RASAL2: variants seen among roughly 807,000 people sequenced by gnomAD.
RASAL2 encodes the protein RAS protein activator like 2, also known as ras GTPase-activating protein nGAP.
In RASAL2, 58 loss-of-function variants were observed where a neutral mutation model predicts 128.9. The ratio of observed to expected loss-of-function variants is 0.45; its 90% CI spans 0.36 to 0.56. RASAL2 has a LOEUF of 0.56. Ranked by LOEUF, RASAL2 falls within the 20% of genes least tolerant of loss-of-function variation. The probability of loss-of-function intolerance (pLI) is 0.00; values close to 1 mark genes in which losing one functional copy is unlikely to be tolerated. For synonymous variants in RASAL2, 561 were observed against 580.8 expected (o/e 0.97, Z 0.49); for missense variants, 1,360 against 1,601.6 (o/e 0.85, Z 2.57).
At chr1:178,199,230 A>C (rs1662780650) in intron 1 of RASAL2, among the ~76,000 whole-genome samples, 2 of 152,246 alleles carry the variant, frequency 1.3e-5, no homozygotes, top group Admixed American at 1.3e-4. Context: ...TGGCTAGGAA[A>C]GGGAAATCCC....
chr1:178,197,660 G>A (rs1019917658), intron 1 of RASAL2, among the ~76,000 whole-genome samples: 50 of 151,442 alleles, frequency 3.3e-4, no homozygotes, highest in Admixed American at 6.6e-4. Context: ...TTAAGACTCG[G>A]CAATTTTATT....
intron 3 of RASAL2, among the ~76,000 whole-genome samples, chr1:178,347,921 A>G (rs1048664882): frequency 1.3e-5 from 2 of 152,256 alleles, no homozygotes; most frequent in Non-Finnish European, 2.9e-5. Context: ...TCAGCAGTAG[A>G]ATGAATAAAT....
chr1:178,376,861 A>G (rs1214943591), intron 3 of RASAL2, among the ~76,000 whole-genome samples: 2 of 152,158 alleles, frequency 1.3e-5, no homozygotes, highest in East Asian at 3.9e-4. Context: ...GGACTTTTCA[A>G]AATTATTGAA....
At chr1:178,438,881 C>CTCTGTGTGTGTGTGTG (rs1239809916) in intron 5 of RASAL2, among the ~76,000 whole-genome samples, 26 of 129,462 alleles carry the variant, frequency 2.0e-4, no homozygotes, top group African/African-American at 7.1e-4. Flanking sequence ...AGCTTCGACT[C>CTCTGTGTGTGTGTGTG]TGTGTGTGTG....
At chr1:178,303,484 A>G (rs1222605141) in intron 3 of RASAL2, among the ~76,000 whole-genome samples, 1 of 152,128 alleles carries the variant, frequency 6.6e-6, no homozygotes, top group Non-Finnish European at 1.5e-5. Context: ...GGTTCATGCA[A>G]AAATCTCATA....
At chr1:178,298,662 C>T (rs1667622324) in intron 2 of RASAL2, among the ~76,000 whole-genome samples, 1 of 152,148 alleles carries the variant, frequency 6.6e-6, no homozygotes, top group East Asian at 1.9e-4. Context: ...TCATTCATTC[C>T]CCATCTCTTA....
At chr1:178,248,352 T>C (rs575150436) in intron 1 of RASAL2, among the ~76,000 whole-genome samples, 3 of 152,198 alleles carry the variant, frequency 2.0e-5, no homozygotes, top group Non-Finnish European at 4.4e-5. Context: ...TTGATCTTTG[T>C]TGGTTTAAAG....
At chr1:178,464,990 G>GTCATCATATA (rs1647532536) in intron 15 of RASAL2, among the ~76,000 whole-genome samples, 1 of 151,692 alleles carries the variant, frequency 6.6e-6, no homozygotes, top group African/African-American at 2.4e-5. Context: ...CAAGAACCTT[G>GTCATCATATA]TCATCATATA....
intron 3 of RASAL2, among the ~76,000 whole-genome samples, chr1:178,361,309 G>A (rs182208233): frequency 6.6e-6 from 1 of 151,708 alleles, no homozygotes; most frequent in East Asian, 1.9e-4. Flanking sequence ...AGTGTTTTCT[G>A]GATACATCTA....
chr1:178,246,651 C>G (rs538981055), intron 1 of RASAL2, among the ~76,000 whole-genome samples: 1 of 152,182 alleles, frequency 6.6e-6, no homozygotes, highest in African/African-American at 2.4e-5. Context: ...TGCTTGTTTT[C>G]AAAGGGAATG....
intron 3 of RASAL2, among the ~76,000 whole-genome samples, chr1:178,325,375 T>C (rs1474894800): frequency 6.6e-6 from 1 of 152,162 alleles, no homozygotes; most frequent in Non-Finnish European, 1.5e-5. Flanking sequence ...GTTTTTTCCC[T>C]CCCACTTTAA....
chr1:178,379,496 T>G (rs1422921979), intron 3 of RASAL2, among the ~76,000 whole-genome samples: 1 of 152,182 alleles, frequency 6.6e-6, no homozygotes, highest in Non-Finnish European at 1.5e-5. Flanking sequence ...TGATTATGGT[T>G]TAATTTCTCA....
chr1:178,279,764 C>T (rs1666694285), intron 1 of RASAL2, among the ~76,000 whole-genome samples: 1 of 152,048 alleles, frequency 6.6e-6, no homozygotes, highest in African/African-American at 2.4e-5. Flanking sequence ...AAATTTAAGA[C>T]TAAAAGCAAA....
chr1:178,204,093 G>T (rs1178631096), intron 1 of RASAL2, among the ~76,000 whole-genome samples: 2 of 152,236 alleles, frequency 1.3e-5, no homozygotes, highest in Admixed American at 1.3e-4. Flanking sequence ...TAATTGTCAT[G>T]AGTATTTTCT....
At chr1:178,200,931 G>A (rs1469223690) in intron 1 of RASAL2, among the ~76,000 whole-genome samples, 6 of 152,146 alleles carry the variant, frequency 3.9e-5, no homozygotes, top group East Asian at 1.9e-4. Flanking sequence ...AACAGTGATG[G>A]CGTCCCCTGA....
chr1:178,322,162 TCTAA>T (rs1668821438), intron 3 of RASAL2, among the ~76,000 whole-genome samples: 1 of 152,004 alleles, frequency 6.6e-6, no homozygotes, highest in Non-Finnish European at 1.5e-5. Context: ...CTCATCACCT[TCTAA>T]CTCTCTTCGT....
chr1:178,346,397 T>C (rs968031667), intron 3 of RASAL2, among the ~76,000 whole-genome samples: 8 of 149,490 alleles, frequency 5.4e-5, no homozygotes, highest in Non-Finnish European at 7.4e-5. Flanking sequence ...CAAAACCTTG[T>C]ATCTTTAAAA....
At chr1:178,351,038 G>C (rs181036412) in intron 3 of RASAL2, among the ~76,000 whole-genome samples, 1 of 152,246 alleles carries the variant, frequency 6.6e-6, no homozygotes, top group African/African-American at 2.4e-5. Context: ...GCAGGCAGGA[G>C]CAGGACTTGG....
intron 1 of RASAL2, among the ~76,000 whole-genome samples, chr1:178,268,864 T>C (rs1249048989): frequency 6.6e-6 from 1 of 152,236 alleles, no homozygotes; most frequent in Non-Finnish European, 1.5e-5. Flanking sequence ...GACTGGTGGA[T>C]AGTTATCAAC....
Sources: allele counts gnomAD v4.1 joint callset (sites outside exome capture counted in the v4.1 genomes callset), GRCh38; gene constraint gnomAD v4.1.1; transcripts MANE v1.5; gene names NCBI Gene and HGNC (gene_info 2026-07-23, HGNC 2026-07-21).